The following ZGRF1 variants were observed in gnomAD, a reference collection of about 807,000 sequenced individuals.
ZGRF1 encodes the protein zinc finger GRF-type containing 1, also known as 5'-3' DNA helicase ZGRF1.
ZGRF1 carries 196 observed loss-of-function variants against 203.5 expected under a neutral mutation model. The ratio of observed to expected loss-of-function variants is 0.96; its 90% confidence interval spans 0.86 to 1.08. The LOEUF is 1.08. ZGRF1 is among the 50% of genes least tolerant of loss of function. The probability of loss-of-function intolerance (pLI) is 0.00; values close to 1 mark genes in which losing one functional copy is unlikely to be tolerated. For synonymous variants in ZGRF1, 809 were observed against 841.3 expected (o/e 0.96, Z 0.66); for missense variants, 2,326 against 2,416.3 (o/e 0.96, Z 0.78).
chr4:112,622,404 C>T (rs1214597722), intron 4 of ZGRF1, among the ~76,000 whole-genome samples: 1 of 151,250 alleles, frequency 6.6e-6, no homozygotes, highest in African/African-American at 2.4e-5. Context: ...CCTGTAATCT[C>T]AGCTACTTGG....
intron 3 of ZGRF1, among the ~76,000 whole-genome samples, chr4:112,624,601 TG>T (rs1364959058): frequency 1.3e-5 from 2 of 152,100 alleles, no homozygotes; most frequent in Non-Finnish European, 2.9e-5. Context: ...TATTGACATT[TG>T]GGAGGATAAG....
In ZGRF1 at chr4:112,618,405, G is replaced by A. The variant is rs2046956497; in HGVS notation, c.1637C>T (p.Ser546Leu). 3 of 1,613,656 alleles carry A rather than the reference G, an allele frequency of 1.9e-6. No homozygotes were observed. The highest frequency in any genetic ancestry group is 1.7e-5 in the Admixed American group (1 of 59,976). Reference sequence around the variant, plus strand: ...CTGGGAAATTTTGTTGCTTTCCTGTGATTCCTCCTCAGTGTCACTGGTCTC... The same window carrying A: ...CTGGGAAATTTTGTTGCTTTCCTGTAATTCCTCCTCAGTGTCACTGGTCTC... ...NFETSDTEEE[S>L]QESNKISQDS... The change falls in exon 6 of 28, where the codon TCA becomes TTA. Residue 546 changes from serine to leucine, a missense_variant. Transcript: ENST00000505019.
chr4:112,560,944 G>T lies in ZGRF1; in HGVS notation c.4749C>A (p.Ile1583=), dbSNP rs544215452. The change falls in exon 19 of 28, where the codon ATC becomes ATA. Residue 1583 remains isoleucine, a synonymous_variant. Coordinates refer to ENST00000505019, the MANE Select transcript of ZGRF1 (RefSeq NM_018392.5). ...SNKRVSKRKF[I]PPAFTNVSTK... is the part of the protein sequence containing the mutation. ...TACTGACATTTGTGAAGGCTGGTGG[G>T]ATAAATTTTCTCTTACTGACTCTTT... 2.5e-6 allele frequency: 4 copies of T among 1,611,600 alleles called. No individual in the cohort carries two copies. In the East Asian group the frequency reaches 8.9e-5, roughly 36 times the overall value.
intron 16 of ZGRF1, among the ~76,000 whole-genome samples, 164 bp downstream of exon 16, chr4:112,581,499 G>C (rs1746245361): frequency 6.6e-6 from 1 of 150,864 alleles, no homozygotes; most frequent in South Asian, 2.1e-4. Context: ...ATGTTTTTTA[G>C]AAGTGGTCTA....
intron 8 of ZGRF1, 51 bp from the exon 9 acceptor site, chr4:112,606,142 G>A (rs1452970665): frequency 2.6e-6 from 3 of 1,135,688 alleles, no homozygotes; most frequent in Non-Finnish European, 2.6e-6. Flanking sequence ...AGTTTCACAG[G>A]TGATTCATGA....
intron 16 of ZGRF1, among the ~76,000 whole-genome samples, chr4:112,567,804 T>C (rs1743409504): frequency 6.6e-6 from 1 of 152,116 alleles, no homozygotes; most frequent in African/African-American, 2.4e-5. Flanking sequence ...CTTGAACCTG[T>C]AGTCCCAGCT....
At chr4:112,581,171 C>T (rs950773087) in intron 16 of ZGRF1, among the ~76,000 whole-genome samples, 7 of 150,826 alleles carry the variant, frequency 4.6e-5, no homozygotes, top group East Asian at 2.0e-4. Context: ...AGCAAACTAT[C>T]GCAAGGACAA....
chr4:112,584,643 A>G (rs1310235721), intron 14 of ZGRF1, among the ~76,000 whole-genome samples: 1 of 152,216 alleles, frequency 6.6e-6, no homozygotes, highest in African/African-American at 2.4e-5. Flanking sequence ...GCATGCAACT[A>G]TGTCATCAAA....
At chr4:112,562,247 T>C in intron 18 of ZGRF1, 124 bp downstream of exon 18, 2 of 638,710 alleles carry the variant, frequency 3.1e-6, no homozygotes, top group East Asian at 5.7e-5. Flanking sequence ...AATAATGTCA[T>C]AGTCTGAAAA....
At chr4:112,613,812 TCTC>T (rs959797720) in intron 6 of ZGRF1, among the ~76,000 whole-genome samples, 4 of 152,108 alleles carry the variant, frequency 2.6e-5, no homozygotes, top group East Asian at 1.9e-4. Context: ...TATTCAATAA[TCTC>T]CTCTTCTAAA....
Position 112,607,166 on chromosome 4 carries a change from C to G in ZGRF1, c.2719-1075G>C, listed in dbSNP as rs189360470. 1.1e-3 allele frequency among the ~76,000 whole-genome samples: 172 copies of G among 152,038 alleles called. 1 individual carries two copies. The highest frequency in any genetic ancestry group is 4.0e-3 in the African/African-American group (166 of 41,476). On this transcript the variant is annotated intron_variant, in intron 8 of 27. Transcript: ENST00000505019. ...AAGAGACAGGGTCTTGCTCTGTCACCCAGGCTGGAGTGCAGTGGCGCAATC... is the reference window on the plus strand; with the variant it reads ...AAGAGACAGGGTCTTGCTCTGTCACGCAGGCTGGAGTGCAGTGGCGCAATC...
intron 9 of ZGRF1, 22 bp downstream of exon 9, chr4:112,605,986 C>T (rs368953920): frequency 6.3e-6 from 9 of 1,420,442 alleles, no homozygotes; most frequent in African/African-American, 1.4e-5. Flanking sequence ...TTAAATAAAT[C>T]GATGTTCTTC....
chr4:112,609,399 C>G lies in ZGRF1; in HGVS notation c.2698G>C (p.Glu900Gln). The G allele has an allele frequency of 6.4e-7, 1 of 1,573,568 alleles. No individual in the cohort carries two copies. The highest frequency in any genetic ancestry group is 8.7e-7 in the Non-Finnish European group (1 of 1,152,028). ...CTTACCTGCACAGACTGAAGTGGTT[C>G]ACTTAGTTCAACTTCATCTTCTTTT... ...ILKEDEVELS[E>Q]PLQSVQFSSS... Residue 900 changes from glutamate to glutamine, a missense_variant, in exon 8 of 28, where the codon GAA becomes CAA. Glu to Gln is a conservative substitution (Grantham distance 29). Coordinates refer to ENST00000505019, the MANE Select transcript of ZGRF1 (RefSeq NM_018392.5).
chr4:112,545,266 A>AT (rs1211609666), intron 24 of ZGRF1, among the ~76,000 whole-genome samples: 3 of 151,752 alleles, frequency 2.0e-5, no homozygotes, highest in South Asian at 2.1e-4. Context: ...TCCAGAATAT[A>AT]TTTAAAAAAA....
At chr4:112,623,398 G>A (rs2047127412) in intron 4 of ZGRF1, among the ~76,000 whole-genome samples, 1 of 152,084 alleles carries the variant, frequency 6.6e-6, no homozygotes, top group African/African-American at 2.4e-5. Flanking sequence ...GGGTTGAATG[G>A]TAGTTCTCTT....
At position 112,619,593 on chromosome 4, in the gene ZGRF1, A is replaced by G; in HGVS notation, c.449T>C (p.Ile150Thr). The change falls in exon 6 of 28, where the codon ATT (isoleucine) becomes ACT (threonine). Residue 150 changes from isoleucine to threonine, a missense_variant. Transcript: ENST00000505019. ...AGGCATGCTGCAGAATGGAGAAAAA[A>G]TAGTAGGGCCAGTTTTCTTAGCCTC... Reference protein sequence around the residue: ...SHEAKKTGPTIFSPFCSMPPL... With the variant: ...SHEAKKTGPTTFSPFCSMPPL... 2 of 1,614,138 alleles carry G rather than the reference A, an allele frequency of 1.2e-6. No individual in the cohort carries two copies. The highest frequency in any genetic ancestry group is 8.5e-7 in the Non-Finnish European group (1 of 1,180,000).
rs1560845694 is a variant in ZGRF1, at chr4:112,606,093, T to C, written c.2719-2A>G. Reference sequence around the variant, plus strand: ...TTCTTTACTTCCCGAGGAAGAGAACTAGGATAAAATATGAATAAGTTATCT... The same window carrying C: ...TTCTTTACTTCCCGAGGAAGAGAACCAGGATAAAATATGAATAAGTTATCT... On this transcript the variant is annotated splice_acceptor_variant, in intron 8 of 27. Transcript: ENST00000505019. LOFTEE classifies it high-confidence loss of function. The C allele has an allele frequency of 6.5e-7, 1 of 1,532,244 alleles. No individual in the cohort carries two copies. The highest frequency in any genetic ancestry group is 8.9e-7 in the Non-Finnish European group (1 of 1,118,750). 94.9% of individuals were successfully genotyped at this position (1,532,244 alleles called of 1,614,324 possible).
At chr4:112,573,124 G>A in intron 16 of ZGRF1, among the ~76,000 whole-genome samples, 1 of 150,300 alleles carries the variant, frequency 6.7e-6, no homozygotes, top group East Asian at 1.9e-4. Context: ...TATGGAACCA[G>A]CCCAAATGCC....
At chr4:112,626,613 G>A (rs2047247214) in intron 3 of ZGRF1, among the ~76,000 whole-genome samples, 1 of 152,072 alleles carries the variant, frequency 6.6e-6, no homozygotes, top group African/African-American at 2.4e-5. Flanking sequence ...TTAGAACAGT[G>A]TGCAACTCAC....
Sources: gnomAD v4.1 joint callset for allele counts (sites outside exome capture counted in the v4.1 genomes callset) on GRCh38, gnomAD v4.1.1 for gene constraint, MANE v1.5 for transcripts, NCBI Gene and HGNC (gene_info 2026-07-23, HGNC 2026-07-21) for gene names.